Variants in PTK2 observed in about 807,000 individuals in gnomAD.
PTK2 encodes protein tyrosine kinase 2, also known as focal adhesion kinase 1.
In PTK2, 45 loss-of-function variants were observed where a neutral mutation model predicts 150.1. That is an observed-to-expected ratio of 0.30 (90% confidence interval 0.24 to 0.38). The LOEUF is 0.38. Among genes scored for constraint, PTK2 ranks in the 10% least tolerant of loss-of-function variants. The probability of loss-of-function intolerance (pLI) is 1.00; values close to 1 mark genes in which losing one functional copy is unlikely to be tolerated. For missense variants in PTK2, 919 were observed against 1,307.3 expected, an observed-to-expected ratio of 0.70 and a Z score of 4.58; for synonymous variants, 432 against 449.2, an observed-to-expected ratio of 0.96 and a Z score of 0.48.
intron 2 of PTK2, among the ~76,000 whole-genome samples, chr8:140,894,240 C>T (rs1263235013): frequency 6.6e-6 from 1 of 152,146 alleles, no homozygotes; most frequent in Non-Finnish European, 1.5e-5. Flanking sequence ...TCTAAGTCCA[C>T]AGTCTGAAAA....
chr8:140,889,968 C>T (rs1167588089), intron 3 of PTK2, among the ~76,000 whole-genome samples: 1 of 152,164 alleles, frequency 6.6e-6, no homozygotes, highest in Non-Finnish European at 1.5e-5. Context: ...TATTATTCCT[C>T]CAAGCTTCCA....
chr8:140,699,205 T>C (rs1204793032), intron 26 of PTK2, among the ~76,000 whole-genome samples: 1 of 152,182 alleles, frequency 6.6e-6, no homozygotes, highest in Non-Finnish European at 1.5e-5. Context: ...TCAGTGAATG[T>C]TTAATGATAC....
chr8:140,765,145 A>G (rs1392988423), intron 14 of PTK2: 1 of 152,210 alleles, frequency 6.6e-6, no homozygotes, highest in Non-Finnish European at 1.5e-5. Context: ...TGCTCCATGT[A>G]TAAGGATTTT....
intron 1 of PTK2, among the ~76,000 whole-genome samples, chr8:140,932,989 T>C (rs2100172418): frequency 1.3e-5 from 2 of 151,998 alleles, no homozygotes; most frequent in African/African-American, 4.8e-5. Context: ...GTAGCTGGGA[T>C]TACAGGTGTG....
chr8:140,958,736 T>C (rs1479322505), intron 1 of PTK2, among the ~76,000 whole-genome samples: 1 of 152,250 alleles, frequency 6.6e-6, no homozygotes, highest in Non-Finnish European at 1.5e-5. Context: ...CACATTAAAA[T>C]GTATTTGAGC....
intron 9 of PTK2, among the ~76,000 whole-genome samples, chr8:140,818,586 G>A (rs1450765126): frequency 6.6e-6 from 1 of 152,112 alleles, no homozygotes; most frequent in Non-Finnish European, 1.5e-5. Flanking sequence ...GGGTTTCTCT[G>A]GGATGATTAT....
intron 8 of PTK2, among the ~76,000 whole-genome samples, chr8:140,828,373 T>C (rs1362987907): frequency 2.0e-5 from 3 of 152,156 alleles, no homozygotes; most frequent in Non-Finnish European, 2.9e-5. Flanking sequence ...TGTCTCACTC[T>C]GGCTACACTC....
intron 16 of PTK2, among the ~76,000 whole-genome samples, chr8:140,756,867 T>A (rs1047665798): frequency 4.6e-5 from 7 of 151,346 alleles, no homozygotes; most frequent in African/African-American, 7.3e-5. Context: ...TGGGCGCTTG[T>A]AGTCCCAGCT....
intron 1 of PTK2, among the ~76,000 whole-genome samples, chr8:140,930,880 C>A (rs541192187): frequency 6.6e-6 from 1 of 152,092 alleles, no homozygotes; most frequent in South Asian, 2.1e-4. Flanking sequence ...TCAAGACCAG[C>A]CTGAGTAACA....
intron 10 of PTK2, among the ~76,000 whole-genome samples, chr8:140,804,697 C>A (rs1206742114): frequency 6.6e-6 from 1 of 152,202 alleles, no homozygotes; most frequent in East Asian, 1.9e-4. Flanking sequence ...GCATGGCGAA[C>A]AGATGATGCC....
chr8:140,888,037 AT>A (rs1190949887), intron 3 of PTK2, among the ~76,000 whole-genome samples: 1 of 152,336 alleles, frequency 6.6e-6, no homozygotes, highest in East Asian at 1.9e-4. Context: ...ATGCTATTCA[AT>A]GGTCAGTTTC....
chr8:140,814,655 C>T (rs780409868), intron 10 of PTK2, among the ~76,000 whole-genome samples: 1 of 152,156 alleles, frequency 6.6e-6, no homozygotes, highest in Non-Finnish European at 1.5e-5. Context: ...AAGGAATGTA[C>T]CTCACAATAA....
intron 14 of PTK2, among the ~76,000 whole-genome samples, chr8:140,784,850 T>C (rs2100083993): frequency 6.6e-6 from 1 of 152,242 alleles, no homozygotes; most frequent in African/African-American, 2.4e-5. Context: ...ACTGTGTGAA[T>C]TTCAAAGATA....
At chr8:140,797,260 T>C (rs764374422) in intron 12 of PTK2, among the ~76,000 whole-genome samples, 2 of 152,320 alleles carry the variant, frequency 1.3e-5, no homozygotes, top group South Asian at 4.1e-4. Context: ...TGTGTGTACA[T>C]TCCTCTTTTT....
chr8:140,763,853 ATGTG>A (rs916932488), intron 15 of PTK2, among the ~76,000 whole-genome samples: 4 of 152,150 alleles, frequency 2.6e-5, no homozygotes, highest in Non-Finnish European at 4.4e-5. Context: ...GTGTGTATGT[ATGTG>A]TATTATACAT....
intron 1 of PTK2, among the ~76,000 whole-genome samples, chr8:140,929,844 T>A (rs982616418): frequency 8.5e-5 from 13 of 152,126 alleles, no homozygotes; most frequent in Non-Finnish European, 2.9e-5. Context: ...GTTATGATAA[T>A]TAAACATTAC....
At chr8:140,916,500 T>C (rs2100165331) in intron 2 of PTK2, among the ~76,000 whole-genome samples, 1 of 152,204 alleles carries the variant, frequency 6.6e-6, no homozygotes, top group South Asian at 2.1e-4. Context: ...AGGTCTTCAA[T>C]AAAATGCACC....
chr8:140,989,530 T>A (rs532695789), intron 1 of PTK2, among the ~76,000 whole-genome samples: 17 of 140,638 alleles, frequency 1.2e-4, no homozygotes, highest in South Asian at 2.3e-4. Context: ...TTAATGAATT[T>A]AAAAAAAAAA....
At position 140,700,217 on chromosome 8, in the gene PTK2, C is replaced by T. The variant is rs150413512; in HGVS notation, c.2499+674G>A. On this transcript the variant is annotated intron_variant, in intron 26 of 31. Coordinates refer to ENST00000522684, the Ensembl canonical transcript of PTK2. The stretch of plus-strand genomic sequence containing the variant: ...CCTTAAGGGTTTTGGATATAGGATT[C>T]TGGATCTATTAGAGGGCAGTGGCAC... 4.6e-3 allele frequency among the ~76,000 whole-genome samples: 701 copies of T among 152,264 alleles called. 4 individuals are homozygous for T. Among genetic ancestry groups the T allele is most frequent in the African/African-American group, 0.016 (664 of 41,568 alleles).
Sources: allele counts gnomAD v4.1 joint callset (sites outside exome capture counted in the v4.1 genomes callset), GRCh38; gene constraint gnomAD v4.1.1; transcripts MANE v1.5; gene names NCBI Gene and HGNC (gene_info 2026-07-23, HGNC 2026-07-21).